The following DNAH14 variants were observed in gnomAD, a reference collection of about 807,000 sequenced individuals.
DNAH14 encodes the protein axonemal beta dynein heavy chain 14.
DNAH14 carries 478 observed loss-of-function variants against 520.9 expected under a neutral mutation model. The ratio of observed to expected loss-of-function variants is 0.92; its 90% CI spans 0.85 to 0.99. The LOEUF (loss-of-function observed/expected upper bound fraction) is 0.99. Among genes scored for constraint, DNAH14 ranks in the 50% least tolerant of loss-of-function variants. The probability of loss-of-function intolerance (pLI) is 0.00; values close to 1 mark genes in which losing one functional copy is unlikely to be tolerated. For missense variants in DNAH14, 4,831 were observed against 5,234.5 expected (o/e 0.92, Z 2.38); for synonymous variants, 1,581 against 1,757.2 (o/e 0.90, Z 2.51).
intron 25 of DNAH14, 113 bp from the exon 26 acceptor site, chr1:225,119,107 G>T (rs1363821993): frequency 3.0e-6 from 2 of 671,856 alleles, no homozygotes; most frequent in Non-Finnish European, 4.6e-6. Context: ...TAGTCCTTTG[G>T]CCCATGAATA....
chr1:225,153,886 T>C, intron 34 of DNAH14, 60 bp downstream of exon 34: 3 of 1,337,356 alleles, frequency 2.2e-6, no homozygotes, highest in Non-Finnish European at 3.1e-6. Flanking sequence ...GAAAATAATT[T>C]GTAGAATTAC....
intron 66 of DNAH14, among the ~76,000 whole-genome samples, chr1:225,335,437 G>A (rs1372883564): frequency 1.3e-5 from 1 of 77,462 alleles, no homozygotes; most frequent in African/African-American, 1.3e-4. Flanking sequence ...GTGTGTACAT[G>A]TGTGTGTATG....
At chr1:225,290,329 T>C (rs556314990) in intron 55 of DNAH14, among the ~76,000 whole-genome samples, 67 of 152,104 alleles carry the variant, frequency 4.4e-4, no homozygotes, top group Non-Finnish European at 8.0e-4. Context: ...TCTATGTCAT[T>C]ATCTTGTTCA....
chr1:225,105,289 G>T (rs1023399732), intron 23 of DNAH14, among the ~76,000 whole-genome samples: 1 of 151,962 alleles, frequency 6.6e-6, no homozygotes, highest in Non-Finnish European at 1.5e-5. Flanking sequence ...ATTTGCTGAG[G>T]AGAGCTTTAC....
intron 55 of DNAH14, among the ~76,000 whole-genome samples, chr1:225,290,802 CA>C (rs1310409142): frequency 6.7e-6 from 1 of 150,170 alleles, no homozygotes; most frequent in Non-Finnish European, 1.5e-5. Context: ...AGTGATGTTT[CA>C]ATACATGTAA....
At position 225,258,007 on chromosome 1, in the gene DNAH14, A is replaced by C. The variant is rs1293346606; in HGVS notation, c.6913A>C (p.Lys2305Gln). The change falls in exon 45 of 86, where the codon AAG becomes CAG. Residue 2305 changes from lysine to glutamine, a missense_variant. Lys to Gln is a moderately conservative substitution (Grantham distance 53). Coordinates refer to ENST00000682510, the MANE Select transcript of DNAH14 (RefSeq NM_001367479.1). ...NLQRSGGNFL[K>Q]ITECGECINY... Reference sequence around the variant, plus strand: ...TCAAAGATCTGGCGGAAACTTCTTGAAGATAACAGAATGTGGAGAATGCAT... The same window carrying C: ...TCAAAGATCTGGCGGAAACTTCTTGCAGATAACAGAATGTGGAGAATGCAT... 25 of 1,549,508 alleles carry C rather than the reference A, an allele frequency of 1.6e-5. No homozygotes were observed. Among genetic ancestry groups the C allele is most frequent in the Non-Finnish European group, 2.1e-5 (24 of 1,146,420 alleles).
At chr1:225,380,048 C>A (rs2095760376) in intron 79 of DNAH14, 111 bp from the exon 80 acceptor site, 3 of 1,162,934 alleles carry the variant, frequency 2.6e-6, no homozygotes, top group South Asian at 1.6e-5. Flanking sequence ...TGGTATAGAA[C>A]ACTAAACATA....
chr1:225,281,738 A>G (rs2093630884), intron 54 of DNAH14, among the ~76,000 whole-genome samples: 1 of 152,188 alleles, frequency 6.6e-6, no homozygotes, highest in African/African-American at 2.4e-5. Context: ...AAATGGAGTT[A>G]TGTTGAAGAA....
At chr1:225,130,091 A>G (rs966716411) in intron 27 of DNAH14, among the ~76,000 whole-genome samples, 4 of 152,206 alleles carry the variant, frequency 2.6e-5, no homozygotes, top group Non-Finnish European at 5.9e-5. Flanking sequence ...CTGACCATCA[A>G]AGAAATGCAA....
At chr1:225,284,678 A>C (rs1392313259) in intron 54 of DNAH14, among the ~76,000 whole-genome samples, 1 of 152,214 alleles carries the variant, frequency 6.6e-6, no homozygotes, top group African/African-American at 2.4e-5. Flanking sequence ...CAAAGTCATC[A>C]TGAGAAAAGA....
chr1:225,180,054 A>G (rs776053091), intron 36 of DNAH14, among the ~76,000 whole-genome samples: 1 of 152,058 alleles, frequency 6.6e-6, no homozygotes, highest in Non-Finnish European at 1.5e-5. Flanking sequence ...CCTGTCCTTG[A>G]TCTTTCAGAG....
intron 8 of DNAH14, among the ~76,000 whole-genome samples, chr1:224,980,197 G>A (rs368439386): frequency 3.3e-5 from 5 of 152,160 alleles, no homozygotes; most frequent in Non-Finnish European, 7.3e-5. Context: ...TGGTGTCCCC[G>A]ATTCCAAGCC....
intron 69 of DNAH14, among the ~76,000 whole-genome samples, chr1:225,342,944 A>C (rs1026994041): frequency 1.3e-5 from 2 of 150,762 alleles, no homozygotes; most frequent in African/African-American, 2.4e-5. Flanking sequence ...CTTATCATCC[A>C]GAGCTGGAAC....
At chr1:224,968,901 C>A in intron 7 of DNAH14, 27 bp downstream of exon 7, 1 of 1,470,446 alleles carries the variant, frequency 6.8e-7, no homozygotes, top group Non-Finnish European at 9.2e-7. Context: ...GAAACCAATT[C>A]TTTGTAGTTT....
chr1:225,171,486 A>C (rs2082658177), intron 36 of DNAH14, among the ~76,000 whole-genome samples: 1 of 152,228 alleles, frequency 6.6e-6, no homozygotes, highest in Admixed American at 6.5e-5. Flanking sequence ...AGAATACTAT[A>C]AACACCTCTA....
intron 42 of DNAH14, among the ~76,000 whole-genome samples, chr1:225,235,702 G>A (rs900550246): frequency 6.6e-6 from 1 of 152,108 alleles, no homozygotes; most frequent in African/African-American, 2.4e-5. Flanking sequence ...ATTTATTAAT[G>A]CCTCGATTTC....
intron 71 of DNAH14, among the ~76,000 whole-genome samples, chr1:225,347,949 A>T (rs139409283): frequency 1.8e-4 from 27 of 152,336 alleles, no homozygotes; most frequent in African/African-American, 5.5e-4. Context: ...GCTAAAATAA[A>T]TAAATAAATA....
chr1:224,993,747 G>A (rs1275947865), intron 8 of DNAH14, among the ~76,000 whole-genome samples: 1 of 151,606 alleles, frequency 6.6e-6, no homozygotes, highest in Non-Finnish European at 1.5e-5. Flanking sequence ...TGTTTTCTGT[G>A]TAGTTTCTGA....
chr1:225,125,468 C>T (rs2077641866), intron 27 of DNAH14, among the ~76,000 whole-genome samples: 1 of 152,226 alleles, frequency 6.6e-6, no homozygotes, highest in South Asian at 2.1e-4. Flanking sequence ...CTTACCTTTG[C>T]ACTTTTACAT....
Sources: allele counts gnomAD v4.1 joint callset (sites outside exome capture counted in the v4.1 genomes callset), GRCh38; gene constraint gnomAD v4.1.1; transcripts MANE v1.5; gene names NCBI Gene and HGNC (gene_info 2026-07-23, HGNC 2026-07-21).